TYW1: variants seen among roughly 807,000 people sequenced by gnomAD.
TYW1 encodes tRNA-yW synthesizing protein 1 homolog.
A neutral mutation model predicts 96.2 loss-of-function variants in TYW1; 46 were observed. The ratio of observed to expected loss-of-function variants is 0.48; its 90% CI spans 0.38 to 0.61. TYW1 has a LOEUF of 0.61. TYW1 is among the 20% of genes least tolerant of loss of function. TYW1 has a pLI of 0.00. For synonymous variants in TYW1, 274 were observed against 323.0 expected, an observed-to-expected ratio of 0.85 and a Z score of 1.63; for missense variants, 684 against 909.6, an observed-to-expected ratio of 0.75 and a Z score of 3.19.
chr7:67,035,749 C>T (rs1376791581), intron 7 of TYW1, among the ~76,000 whole-genome samples: 1 of 152,136 alleles, frequency 6.6e-6, no homozygotes. Context: ...CGCCATCTCG[C>T]TGACTGCAAC....
At chr7:67,152,265 A>G (rs1255196722) in intron 13 of TYW1, among the ~76,000 whole-genome samples, 3 of 152,002 alleles carry the variant, frequency 2.0e-5, no homozygotes, top group Admixed American at 6.6e-5. Context: ...CCTGGATTAG[A>G]CTCACCATTA....
rs974498751 is a variant in TYW1 at position 67,089,397 on chromosome 7, C to G, written c.1384+5858C>G. ...CAGTGCAGGGCATCTGGTGGGGAGG[C>G]CTGCTGGTAAAGGTCGAAGCGCTGG... is the stretch of plus-strand genomic sequence containing the variant. On this transcript the variant is annotated intron_variant, in intron 11 of 15. Transcript: ENST00000359626. 1.0e-5 allele frequency: 13 copies of G among 1,257,892 alleles called. No individual in the cohort carries two copies. In the African/African-American group the frequency reaches 1.5e-4, roughly 14 times the overall value. The allele number at this position is 1,257,892 out of a possible 1,614,324, so 77.9% of individuals were successfully genotyped here. A position where few individuals can be genotyped will look rare whatever the true frequency, so the allele number is the denominator to read the frequency against.
At chr7:67,009,985 CTTTT>C (rs1174548567) in intron 4 of TYW1, among the ~76,000 whole-genome samples, 1 of 129,732 alleles carries the variant, frequency 7.7e-6, no homozygotes. Context: ...TTTTTCTTTT[CTTTT>C]TTTTTTTTTT....
chr7:67,153,925 C>CTTTTTTTTTT (rs34003922), intron 13 of TYW1, among the ~76,000 whole-genome samples: 2 of 130,314 alleles, frequency 1.5e-5, no homozygotes, highest in Non-Finnish European at 1.6e-5. Flanking sequence ...TAACGACTTT[C>CTTTTTTTTTT]TTTTTTTTTT....
Position 67,055,833 on chromosome 7 carries a change from A to G in TYW1, c.1103-2A>G, listed in dbSNP as rs778304893. 3 of 1,610,102 alleles carry G rather than the reference A, an allele frequency of 1.9e-6. No homozygotes were observed. The South Asian group carries it at 3.3e-5, about 18-fold the overall frequency. ...CTTTGTGTTCCCTGCTTTTCCACTC[A>G]GGTTATCAGTTGATTGGGAGCCACT... On this transcript the variant is annotated splice_acceptor_variant, in intron 8 of 15. Coordinates refer to ENST00000359626, the MANE Select transcript of TYW1 (RefSeq NM_018264.4). LOFTEE classifies it high-confidence loss of function.
chr7:67,062,511 C>T (rs2115639661), intron 9 of TYW1, among the ~76,000 whole-genome samples: 1 of 141,622 alleles, frequency 7.1e-6, no homozygotes, highest in East Asian at 2.0e-4. Flanking sequence ...AGCCCATCTG[C>T]AGTCACCCAG....
chr7:67,032,016 C>G (rs945050105), intron 7 of TYW1, among the ~76,000 whole-genome samples: 1 of 151,868 alleles, frequency 6.6e-6, no homozygotes, highest in African/African-American at 2.4e-5. Flanking sequence ...TTGCCACAAG[C>G]CTTTTAGACT....
intron 4 of TYW1, 84 bp from the exon 5 acceptor site, chr7:67,014,283 A>C: frequency 6.7e-7 from 1 of 1,497,316 alleles, no homozygotes; most frequent in Non-Finnish European, 8.9e-7. Context: ...CTTTGAGATG[A>C]GTATGCTTTT....
intron 13 of TYW1, among the ~76,000 whole-genome samples, chr7:67,159,096 C>A (rs1049075266): frequency 4.6e-5 from 7 of 152,114 alleles, no homozygotes; most frequent in African/African-American, 1.4e-4. Context: ...TTTCTACTTT[C>A]CTAAAATGAA....
chr7:67,159,158 T>G (rs1799078557), intron 13 of TYW1, among the ~76,000 whole-genome samples: 1 of 152,230 alleles, frequency 6.6e-6, no homozygotes, highest in Non-Finnish European at 1.5e-5. Context: ...ATCCTTTGTC[T>G]AAGTATTATA....
intron 12 of TYW1, among the ~76,000 whole-genome samples, chr7:67,106,241 T>TTGCATATG (rs1797239873): frequency 6.6e-6 from 1 of 152,248 alleles, no homozygotes; most frequent in Non-Finnish European, 1.5e-5. Flanking sequence ...CGCATTTTGA[T>TTGCATATG]ACACAAAGAA....
intron 15 of TYW1, among the ~76,000 whole-genome samples, chr7:67,221,619 A>C (rs1801393845): frequency 1.3e-5 from 2 of 152,194 alleles, no homozygotes; most frequent in South Asian, 2.1e-4. Context: ...TGAAACATTT[A>C]AATTACCTTT....
chr7:67,004,066 CA>C (rs147200867), intron 3 of TYW1, among the ~76,000 whole-genome samples: 2,483 of 146,796 alleles, frequency 0.017, 63 homozygotes, highest in African/African-American at 0.064. Flanking sequence ...AAACAAAAAA[CA>C]AAAAAAACAA....
intron 3 of TYW1, among the ~76,000 whole-genome samples, chr7:67,008,919 C>T (rs1028616467): frequency 1.3e-5 from 2 of 152,220 alleles, no homozygotes; most frequent in African/African-American, 4.8e-5. Context: ...GCATCGGCCT[C>T]CCAAGGTACT....
intron 9 of TYW1, among the ~76,000 whole-genome samples, 162 bp downstream of exon 9, chr7:67,056,049 G>A (rs535282231): frequency 6.0e-4 from 91 of 152,236 alleles, no homozygotes; most frequent in Middle Eastern, 3.4e-3. Context: ...TTTTGATGTA[G>A]AACCTATATT....
chr7:67,059,126 G>A (rs911943455), intron 9 of TYW1, among the ~76,000 whole-genome samples: 5 of 146,906 alleles, frequency 3.4e-5, no homozygotes, highest in Middle Eastern at 3.5e-3. Flanking sequence ...TTGAGACAGG[G>A]TCTCGCTCTG....
At chr7:67,168,276 G>C (rs112219480) in intron 13 of TYW1, among the ~76,000 whole-genome samples, 8,609 of 151,992 alleles carry the variant, frequency 0.057, 511 homozygotes, top group East Asian at 0.16. Flanking sequence ...TGGTTACTAT[G>C]TATTATCTTT....
chr7:67,176,295 A>T (rs1281312997), intron 13 of TYW1, among the ~76,000 whole-genome samples: 2 of 152,228 alleles, frequency 1.3e-5, no homozygotes, highest in Non-Finnish European at 2.9e-5. Context: ...ATTTTGGCAG[A>T]TTCAGGGTTG....
intron 13 of TYW1, among the ~76,000 whole-genome samples, chr7:67,130,033 T>G (rs2116047493): frequency 6.6e-6 from 1 of 152,002 alleles, no homozygotes; most frequent in South Asian, 2.1e-4. Flanking sequence ...AGATACTCTG[T>G]GTGTTGATTT....
Sources: gnomAD v4.1 joint callset for allele counts (sites outside exome capture counted in the v4.1 genomes callset) on GRCh38, gnomAD v4.1.1 for gene constraint, MANE v1.5 for transcripts, NCBI Gene and HGNC (gene_info 2026-07-23, HGNC 2026-07-21) for gene names.